EIPR1: variants seen among roughly 807,000 people sequenced by gnomAD.
The protein encoded by EIPR1 is EARP complex and GARP complex interacting protein 1, also known as EARP and GARP complex-interacting protein 1.
EIPR1 carries 25 observed loss-of-function variants against 48.1 expected under a neutral mutation model. The observed-to-expected ratio is 0.52, with a 90% CI of 0.38 to 0.73. The LOEUF (loss-of-function observed/expected upper bound fraction) is 0.73. EIPR1 is among the 30% of genes least tolerant of loss of function. The pLI is 0.00. For synonymous variants in EIPR1, 204 were observed against 201.9 expected (o/e 1.01, Z -0.09); for missense variants, 415 against 506.2 (o/e 0.82, Z 1.73).
At chr2:3,292,776 T>C (rs1183512874) in intron 3 of EIPR1, among the ~76,000 whole-genome samples, 1 of 151,948 alleles carries the variant, frequency 6.6e-6, no homozygotes, top group Non-Finnish European at 1.5e-5. Flanking sequence ...ATGTGGAAGA[T>C]TAAAATAATG....
Position 3,341,474 on chromosome 2 carries a change from C to T in EIPR1, c.127-3325G>A, listed in dbSNP as rs371808040. On this transcript the variant is annotated intron_variant, in intron 2 of 8. Coordinates refer to ENST00000382125, the MANE Select transcript of EIPR1 (RefSeq NM_003310.5). ...CTATGCGTGTATGTGCGTGGGAGTG[C>T]GTGTGTGGGAGCATGGGTACGTGGT... 6.6e-5 allele frequency among the ~76,000 whole-genome samples: 10 copies of T among 151,130 alleles called. No homozygotes were observed. The South Asian group carries it at 8.4e-4, about 13-fold the overall frequency.
intron 4 of EIPR1, among the ~76,000 whole-genome samples, chr2:3,229,568 T>C (rs772728675): frequency 4.6e-5 from 7 of 152,242 alleles, no homozygotes; most frequent in Non-Finnish European, 8.8e-5. Flanking sequence ...TTTTCTTACA[T>C]TTCTGCAACC....
chr2:3,370,405 TGA>T (rs1671085055), intron 1 of EIPR1, among the ~76,000 whole-genome samples: 1 of 152,164 alleles, frequency 6.6e-6, no homozygotes, highest in Non-Finnish European at 1.5e-5. Context: ...TTTGACGAGT[TGA>T]GAGAAGAAGG....
chr2:3,297,093 A>T (rs542343728), intron 3 of EIPR1, among the ~76,000 whole-genome samples: 1 of 152,174 alleles, frequency 6.6e-6, no homozygotes, highest in African/African-American at 2.4e-5. Context: ...GGTGGCAGGG[A>T]TTAGGTGGGC....
At chr2:3,208,722 C>T (rs1034369507) in intron 5 of EIPR1, 20 of 1,549,042 alleles carry the variant, frequency 1.3e-5, no homozygotes, top group Admixed American at 5.9e-5. Context: ...TTCTTCCATG[C>T]GTGAGGCTCG....
chr2:3,289,231 T>C (rs1002627170), intron 3 of EIPR1, among the ~76,000 whole-genome samples: 3 of 152,172 alleles, frequency 2.0e-5, no homozygotes, highest in Non-Finnish European at 4.4e-5. Context: ...TGTCTCTTTC[T>C]TCTCAATCAT....
intron 1 of EIPR1, among the ~76,000 whole-genome samples, chr2:3,366,628 T>C (rs901081800): frequency 2.0e-5 from 3 of 152,118 alleles, no homozygotes; most frequent in African/African-American, 7.2e-5. Flanking sequence ...GTGTTTAAAA[T>C]GCTTGTATTA....
chr2:3,202,180 G>T (rs558397446), intron 5 of EIPR1, among the ~76,000 whole-genome samples: 6 of 152,100 alleles, frequency 3.9e-5, no homozygotes, highest in South Asian at 2.1e-4. Context: ...CTTGTGATCC[G>T]TCCGCCTCGG....
At chr2:3,353,570 G>A (rs779385743) in intron 2 of EIPR1, among the ~76,000 whole-genome samples, 2 of 152,072 alleles carry the variant, frequency 1.3e-5, no homozygotes, top group East Asian at 1.9e-4. Context: ...TAACATTCAC[G>A]CATTTTGATA....
chr2:3,361,379 T>C (rs1670848361), intron 1 of EIPR1, among the ~76,000 whole-genome samples: 1 of 150,690 alleles, frequency 6.6e-6, no homozygotes, highest in Non-Finnish European at 1.5e-5. Context: ...GAGCCATCTC[T>C]GGCTTCCAGG....
chr2:3,287,805 T>C (rs34361582), intron 3 of EIPR1, among the ~76,000 whole-genome samples: 1,053 of 62,202 alleles, frequency 0.017, 10 homozygotes, highest in African/African-American at 0.058. Flanking sequence ...CACCATGCTC[T>C]AGAAAGCTCA....
At chr2:3,300,516 TG>T (rs375123095) in intron 3 of EIPR1, among the ~76,000 whole-genome samples, 25 of 152,342 alleles carry the variant, frequency 1.6e-4, no homozygotes, top group African/African-American at 5.8e-4. Flanking sequence ...CAATGCCACC[TG>T]CATGTCCACG....
At chr2:3,241,034 T>C (rs908314899) in intron 4 of EIPR1, among the ~76,000 whole-genome samples, 3 of 107,004 alleles carry the variant, frequency 2.8e-5, no homozygotes, top group African/African-American at 3.3e-5. Flanking sequence ...AGCCAGCAGA[T>C]CCTTCCTAAA....
At chr2:3,245,274 G>A (rs1666762197) in intron 4 of EIPR1, among the ~76,000 whole-genome samples, 1 of 152,120 alleles carries the variant, frequency 6.6e-6, no homozygotes. Context: ...GTGCAGTGGA[G>A]CGATCTGGGA....
chr2:3,294,227 C>T lies in EIPR1; in HGVS notation c.260-36772G>A, dbSNP rs115551302. Among the ~76,000 whole-genome samples the T allele has an allele frequency of 5.7e-3, 869 of 152,212 alleles. 6 individuals are homozygous for T. The highest frequency in any genetic ancestry group is 0.02 in the African/African-American group (816 of 41,484). On this transcript the variant is annotated intron_variant, in intron 3 of 8. Coordinates refer to ENST00000382125, the MANE Select transcript of EIPR1 (RefSeq NM_003310.5). ...AGCTGACTCGTGACCTGGCTTTGAC[C>T]TGTGTCCTTGAACTGATGTTCAAAC...
At chr2:3,375,177 C>A (rs1231732556) in intron 1 of EIPR1, among the ~76,000 whole-genome samples, 3 of 139,358 alleles carry the variant, frequency 2.2e-5, no homozygotes, top group Non-Finnish European at 1.5e-5. Flanking sequence ...GGGAATTGAA[C>A]AATGAGAACA....
At chr2:3,345,722 AAAAG>A (rs952693696) in intron 2 of EIPR1, among the ~76,000 whole-genome samples, 1 of 152,128 alleles carries the variant, frequency 6.6e-6, no homozygotes, top group Non-Finnish European at 1.5e-5. Context: ...AAGAAAATAA[AAAAG>A]AAAGTGCACA....
chr2:3,332,586 C>T (rs1378349109), intron 3 of EIPR1, among the ~76,000 whole-genome samples: 1 of 152,218 alleles, frequency 6.6e-6, no homozygotes, highest in Non-Finnish European at 1.5e-5. Flanking sequence ...GCCCACAGAC[C>T]AGTTACTGTT....
intron 4 of EIPR1, among the ~76,000 whole-genome samples, chr2:3,225,220 A>ATGTGTGTGTGTGTGTGTGTGTG (rs1491346752): frequency 1.1e-5 from 1 of 90,376 alleles, no homozygotes; most frequent in African/African-American, 3.7e-5. Context: ...GTACACTGTG[A>ATGTGTGTGTGTGTGTGTGTGTG]TATGTGTGTG....
Sources: gnomAD v4.1 joint callset for allele counts (sites outside exome capture counted in the v4.1 genomes callset) on GRCh38, gnomAD v4.1.1 for gene constraint, MANE v1.5 for transcripts, NCBI Gene and HGNC (gene_info 2026-07-23, HGNC 2026-07-21) for gene names.